PCDHGA7: variants seen among roughly 807,000 people sequenced by gnomAD.
The protein encoded by PCDHGA7 is protocadherin gamma-A7.
In PCDHGA7, 44 loss-of-function variants were observed where a neutral mutation model predicts 58.3. That is an observed-to-expected ratio of 0.75 (90% CI 0.59 to 0.97). The LOEUF is 0.97. PCDHGA7 is among the 50% of genes least tolerant of loss of function. PCDHGA7 has a pLI of 0.00. For missense variants in PCDHGA7, 1,266 were observed against 1,188.7 expected, an observed-to-expected ratio of 1.06 and a Z score of -0.96; for synonymous variants, 516 against 504.2, an observed-to-expected ratio of 1.02 and a Z score of -0.31.
At chr5:141,434,338 G>A (rs1037038534) in intron 1 of PCDHGA7, among the ~76,000 whole-genome samples, 5 of 152,086 alleles carry the variant, frequency 3.3e-5, no homozygotes, top group East Asian at 1.9e-4. Context: ...TCTTTGTGTC[G>A]GGAACAGGCC....
intron 1 of PCDHGA7, among the ~76,000 whole-genome samples, chr5:141,494,135 GTCAC>G (rs1365926534): frequency 3.3e-5 from 5 of 152,202 alleles, no homozygotes; most frequent in Admixed American, 6.5e-5. Flanking sequence ...CTTCTCCTTA[GTCAC>G]AGACCATTGT....
At chr5:141,400,031 G>T in intron 1 of PCDHGA7, 1 of 1,613,082 alleles carries the variant, frequency 6.2e-7, no homozygotes, top group Admixed American at 1.7e-5. Flanking sequence ...GACGCGGCCC[G>T]CCAGCGCCTG....
chr5:141,409,491 C>T (rs747701093), intron 1 of PCDHGA7: 3 of 1,613,994 alleles, frequency 1.9e-6, no homozygotes, highest in East Asian at 2.2e-5. Flanking sequence ...AGGGGCAAGC[C>T]GCCTCTTTCT....
chr5:141,415,533 G>A (rs749139053), intron 1 of PCDHGA7: 11 of 1,614,198 alleles, frequency 6.8e-6, no homozygotes, highest in Non-Finnish European at 6.8e-6. Flanking sequence ...TCATCAGCCA[G>A]GAGAGCTGTG....
chr5:141,433,406 TTA>T (rs2097606059), intron 1 of PCDHGA7, among the ~76,000 whole-genome samples: 1 of 149,982 alleles, frequency 6.7e-6, no homozygotes. Flanking sequence ...TATCTATCTA[TTA>T]CTTTCTTGTA....
Position 141,490,809 on chromosome 5 carries a change from C to T in PCDHGA7, c.2425-3998C>T. On this transcript the variant is annotated intron_variant, in intron 1 of 3. Transcript: ENST00000518325. The surrounding 1 kb of genome is among the most constrained non-coding windows in gnomAD (Gnocchi z 5.4). Reference sequence around the variant, plus strand: ...GGATCTTTGCCCAGCGTACCTTTGACTATGAATTGCTGCAGATGCTGCAGA... The same window carrying T: ...GGATCTTTGCCCAGCGTACCTTTGATTATGAATTGCTGCAGATGCTGCAGA... 2 of 1,613,954 alleles carry T rather than the reference C, an allele frequency of 1.2e-6. No individual in the cohort carries two copies. Among genetic ancestry groups the T allele is most frequent in the South Asian group, 2.2e-5 (2 of 91,076 alleles).
rs779750859 is a variant in PCDHGA7, at chr5:141,476,273, A to G, written c.2425-18534A>G. On this transcript the variant is annotated intron_variant, in intron 1 of 3. Transcript: ENST00000518325. The surrounding 1 kb of genome is among the most constrained non-coding windows in gnomAD (Gnocchi z 7.6). Reference sequence around the variant, plus strand: ...TTTCGCTGTGGGCAACGTGGTCGCGAACCTTGGTTTGGATCTCGGTAGCCT... The same window carrying G: ...TTTCGCTGTGGGCAACGTGGTCGCGGACCTTGGTTTGGATCTCGGTAGCCT... 6.2e-7 allele frequency: 1 copy of G among 1,613,964 alleles called. No individual in the cohort carries two copies. The highest frequency in any genetic ancestry group is 1.1e-5 in the South Asian group (1 of 91,064).
At chr5:141,418,147 C>T (rs781655205) in intron 1 of PCDHGA7, 3 of 1,614,040 alleles carry the variant, frequency 1.9e-6, no homozygotes, top group Admixed American at 3.3e-5. Flanking sequence ...AGCAAATATG[C>T]AAAGAGAGAA....
At chr5:141,482,675 A>G (rs1258898440) in intron 1 of PCDHGA7, among the ~76,000 whole-genome samples, 1 of 149,114 alleles carries the variant, frequency 6.7e-6, no homozygotes, top group African/African-American at 2.5e-5. Context: ...AAGGTTGAGT[A>G]GTAGCTTGTC....
intron 1 of PCDHGA7, among the ~76,000 whole-genome samples, chr5:141,458,758 G>T (rs1473104567): frequency 1.3e-5 from 2 of 150,844 alleles, no homozygotes; most frequent in Non-Finnish European, 3.0e-5. Context: ...TTTGAGACAG[G>T]GTCTTGCTGT....
rs1214425261 is a variant in PCDHGA7 at position 141,485,865 on chromosome 5, C to G, written c.2425-8942C>G. On this transcript the variant is annotated intron_variant, in intron 1 of 3. Coordinates refer to ENST00000518325, the MANE Select transcript of PCDHGA7 (RefSeq NM_018920.4). This position sits in a 1 kb window ranked among gnomAD's most constrained non-coding sequence, Gnocchi z 5.7. The stretch of plus-strand genomic sequence containing the variant: ...TCTGGCACCGCAGAGCTCCGGGTAT[C>G]CGTGCTGGACGTAAACGACAACGCC... The G allele has an allele frequency of 1.2e-6, 2 of 1,614,182 alleles. No individual in the cohort carries two copies.
chr5:141,505,345 G>A (rs776607130), intron 2 of PCDHGA7, 48 bp from the exon 3 acceptor site: 13 of 1,613,086 alleles, frequency 8.1e-6, no homozygotes, highest in Non-Finnish European at 1.1e-5. Flanking sequence ...AGGGGCATGA[G>A]CTGTGCCGGC....
intron 1 of PCDHGA7, chr5:141,478,893 T>G (rs1469313900): frequency 1.8e-6 from 2 of 1,102,894 alleles, no homozygotes; most frequent in Admixed American, 3.1e-5. Flanking sequence ...TCATTTACAT[T>G]AGGAATAAGC....
intron 1 of PCDHGA7, among the ~76,000 whole-genome samples, chr5:141,461,126 T>C (rs575819058): frequency 6.6e-6 from 1 of 152,260 alleles, no homozygotes; most frequent in Non-Finnish European, 1.5e-5. Flanking sequence ...TTTCATATAA[T>C]TACTTATTTT....
intron 1 of PCDHGA7, among the ~76,000 whole-genome samples, chr5:141,446,174 G>A (rs1242027176): frequency 1.3e-5 from 2 of 152,062 alleles, no homozygotes; most frequent in Non-Finnish European, 2.9e-5. Context: ...GAGGGCAGGG[G>A]GTGTTTTGTT....
chr5:141,428,177 G>A lies in PCDHGA7; in HGVS notation c.2424+42854G>A, dbSNP rs754811645. The A allele has an allele frequency of 1.4e-5, 21 of 1,510,058 alleles. 1 individual carries two copies. The South Asian group carries it at 1.7e-4, about 12-fold the overall frequency. The allele number at this position is 1,510,058 out of a possible 1,614,324, so 93.5% of individuals were successfully genotyped here. ...CCTGCTGGTTGCTGTGCGTGACGGA[G>A]GACAGCCGCCGCTCTCTGCGCCGCT... On this transcript the variant is annotated intron_variant, in intron 1 of 3. Coordinates refer to ENST00000518325, the MANE Select transcript of PCDHGA7 (RefSeq NM_018920.4).
Position 141,490,705 on chromosome 5 carries a change from C to T in PCDHGA7, c.2425-4102C>T. 1 of 1,614,194 alleles carries T rather than the reference C, an allele frequency of 6.2e-7. No individual in the cohort carries two copies. Among genetic ancestry groups the T allele is most frequent in the South Asian group, 1.1e-5 (1 of 91,082 alleles). On this transcript the variant is annotated intron_variant, in intron 1 of 3. Coordinates refer to ENST00000518325, the MANE Select transcript of PCDHGA7 (RefSeq NM_018920.4). This position sits in a 1 kb window ranked among gnomAD's most constrained non-coding sequence, Gnocchi z 5.4. ...TCCAGACACTGGGGATAATGCCCGC[C>T]TCACCTACTCCATTGTAGGAAATCA...
chr5:141,434,194 G>A (rs913533813), intron 1 of PCDHGA7, among the ~76,000 whole-genome samples: 7 of 152,190 alleles, frequency 4.6e-5, no homozygotes, highest in African/African-American at 4.8e-5. Flanking sequence ...TAATTCCAAT[G>A]TACTTACTTC....
intron 1 of PCDHGA7, among the ~76,000 whole-genome samples, chr5:141,471,071 C>T (rs1208702673): frequency 7.7e-6 from 1 of 129,696 alleles, no homozygotes; most frequent in Non-Finnish European, 1.6e-5. Context: ...TTTTTTGAGA[C>T]AGGGTCTCCC....
Sources: allele counts gnomAD v4.1 joint callset (sites outside exome capture counted in the v4.1 genomes callset), GRCh38; gene constraint gnomAD v4.1.1; non-coding constraint Gnocchi (gnomAD v3.1); transcripts MANE v1.5; gene names NCBI Gene and HGNC (gene_info 2026-07-23, HGNC 2026-07-21).